Variants in NECAB1 observed in about 807,000 individuals in gnomAD.
NECAB1 encodes the protein N-terminal EF-hand calcium-binding protein 1.
Under a neutral mutation model 57.5 loss-of-function variants are expected in NECAB1, and 29 were observed. The observed-to-expected ratio is 0.50, with a 90% confidence interval of 0.38 to 0.69. The LOEUF is 0.69. Among genes scored for constraint, NECAB1 ranks in the 30% least tolerant of loss-of-function variants. NECAB1 has a pLI of 0.00. For missense variants in NECAB1, 372 were observed against 413.8 expected (o/e 0.90, Z 0.88); for synonymous variants, 142 against 147.7 (o/e 0.96, Z 0.28).
chr8:90,844,496 A>T (rs1812518965), intron 3 of NECAB1, among the ~76,000 whole-genome samples: 1 of 152,162 alleles, frequency 6.6e-6, no homozygotes. Flanking sequence ...CACCAGGCTG[A>T]TGGAAGAGAG....
At chr8:90,832,289 C>T (rs1401450518) in intron 3 of NECAB1, among the ~76,000 whole-genome samples, 1 of 152,152 alleles carries the variant, frequency 6.6e-6, no homozygotes, top group Non-Finnish European at 1.5e-5. Flanking sequence ...CCTTCTAAAT[C>T]AGGCCACTCC....
At chr8:90,792,040 C>G (rs1332775858) in intron 1 of NECAB1, 55 bp downstream of exon 1, 3 of 1,405,302 alleles carry the variant, frequency 2.1e-6, no homozygotes, top group East Asian at 5.0e-5. Context: ...TTCTTTTCCC[C>G]GAAAGGAAGG....
At chr8:90,904,607 A>C (rs1447827633) in intron 5 of NECAB1, among the ~76,000 whole-genome samples, 1 of 152,040 alleles carries the variant, frequency 6.6e-6, no homozygotes, top group Non-Finnish European at 1.5e-5. Context: ...AATAGAAAAG[A>C]AGTTAAGAGA....
rs901010761 is a variant in NECAB1 at position 90,931,470 on chromosome 8, A to T, written c.694-2834A>T. Among the ~76,000 whole-genome samples the T allele has an allele frequency of 3.9e-5, 6 of 152,216 alleles. No individual in the cohort carries two copies. In the East Asian group the frequency reaches 1.2e-3, roughly 29 times the overall value. On this transcript the variant is annotated intron_variant, in intron 8 of 12. Coordinates refer to ENST00000417640, the MANE Select transcript of NECAB1 (RefSeq NM_022351.5). ...CTGCACTGAAACCAAGCCCTATTCT[A>T]TGCATGTAGGGGAATATAACACTTA...
chr8:90,926,815 A>G (rs945903975), intron 7 of NECAB1, among the ~76,000 whole-genome samples: 27 of 152,206 alleles, frequency 1.8e-4, no homozygotes, highest in Non-Finnish European at 1.5e-4. Flanking sequence ...GGCCAAACAA[A>G]TCACATGTCA....
At chr8:90,951,886 C>T (rs555602888) in intron 12 of NECAB1, among the ~76,000 whole-genome samples, 1 of 152,052 alleles carries the variant, frequency 6.6e-6, no homozygotes, top group East Asian at 1.9e-4. Flanking sequence ...TTGAGCTAGT[C>T]CTTAAAAGAT....
intron 2 of NECAB1, among the ~76,000 whole-genome samples, chr8:90,805,414 A>G (rs1818193): frequency 0.38 from 56,349 of 149,628 alleles, 11,898 homozygotes; most frequent in East Asian, 0.81. Context: ...GACATCTGAC[A>G]AAAAAGAGAA....
At position 90,848,219 on chromosome 8, in the gene NECAB1, A is replaced by G. The variant is rs547633945; in HGVS notation, c.233+23394A>G. Among the ~76,000 whole-genome samples the G allele has an allele frequency of 2.6e-5, 4 of 152,340 alleles. No homozygotes were observed. In the South Asian group the frequency reaches 6.2e-4, roughly 24 times the overall value. The stretch of plus-strand genomic sequence containing the variant: ...CCAGCAGTCTATTTGCTAAAGCATA[A>G]TAAGAGTCACCTTTGCTACAGTTCC... On this transcript the variant is annotated intron_variant, in intron 3 of 12. Transcript: ENST00000417640.
chr8:90,792,311 G>C (rs979309222), intron 1 of NECAB1, among the ~76,000 whole-genome samples: 2 of 152,200 alleles, frequency 1.3e-5, no homozygotes, highest in South Asian at 2.1e-4. Context: ...GGTGTGGGGG[G>C]TGAGGTGGGG....
intron 1 of NECAB1, among the ~76,000 whole-genome samples, chr8:90,797,203 A>G (rs1811676373): frequency 6.6e-6 from 1 of 152,222 alleles, no homozygotes; most frequent in East Asian, 1.9e-4. Context: ...TGCTTTAAGC[A>G]TAACTCTTAC....
At chr8:90,847,023 C>T (rs1812579033) in intron 3 of NECAB1, among the ~76,000 whole-genome samples, 1 of 152,142 alleles carries the variant, frequency 6.6e-6, no homozygotes, top group African/African-American at 2.4e-5. Context: ...CCAACAGTCC[C>T]CCAAAGTCTT....
At chr8:90,936,775 G>A (rs2130221128) in intron 9 of NECAB1, among the ~76,000 whole-genome samples, 2 of 152,116 alleles carry the variant, frequency 1.3e-5, no homozygotes, top group Middle Eastern at 6.8e-3. Flanking sequence ...ATAATGATGA[G>A]TCCAGGAAAT....
intron 4 of NECAB1, among the ~76,000 whole-genome samples, chr8:90,875,739 G>A (rs151080608): frequency 0.013 from 2,029 of 151,308 alleles, 11 homozygotes; most frequent in Non-Finnish European, 0.019. Flanking sequence ...GGGGCCGGGC[G>A]CGGTGGCTCA....
At chr8:90,934,178 A>G in intron 8 of NECAB1, 126 bp from the exon 9 acceptor site, 1 of 646,902 alleles carries the variant, frequency 1.5e-6, no homozygotes, top group Non-Finnish European at 2.6e-6. Flanking sequence ...GTATTATTTC[A>G]TCTTTAAGAT....
In NECAB1 at chr8:90,796,111, C is replaced by T. The variant is rs1473227197; in HGVS notation, c.99+4126C>T. Reference sequence around the variant, plus strand: ...AAGATGAAAATATGTGCACTGATTCCTTCTCTCCATCCATCTTTCAGTGCC... The same window carrying T: ...AAGATGAAAATATGTGCACTGATTCTTTCTCTCCATCCATCTTTCAGTGCC... On this transcript the variant is annotated intron_variant, in intron 1 of 12. Transcript: ENST00000417640. Among the ~76,000 whole-genome samples, 13 of 152,198 alleles carry T rather than the reference C, an allele frequency of 8.5e-5. No individual in the cohort carries two copies. In the South Asian group the frequency reaches 2.5e-3, roughly 29 times the overall value.
intron 3 of NECAB1, among the ~76,000 whole-genome samples, chr8:90,867,497 T>A (rs1408078539): frequency 1.3e-5 from 2 of 152,228 alleles, no homozygotes; most frequent in Non-Finnish European, 2.9e-5. Context: ...TCTAATACAT[T>A]TTCAAGTTTT....
intron 4 of NECAB1, among the ~76,000 whole-genome samples, chr8:90,876,782 T>G (rs1808734867): frequency 6.6e-6 from 1 of 152,194 alleles, no homozygotes; most frequent in African/African-American, 2.4e-5. Flanking sequence ...CTCTACTTTT[T>G]CATCATACCT....
At chr8:90,823,545 A>G (rs1412697437) in intron 2 of NECAB1, among the ~76,000 whole-genome samples, 1 of 151,704 alleles carries the variant, frequency 6.6e-6, no homozygotes, top group Non-Finnish European at 1.5e-5. Flanking sequence ...GGGGCCTAGG[A>G]ATCTGCATTT....
intron 5 of NECAB1, among the ~76,000 whole-genome samples, chr8:90,917,009 T>A (rs984084337): frequency 1.3e-5 from 2 of 152,306 alleles, no homozygotes; most frequent in East Asian, 3.9e-4. Context: ...GTCTTCAGCA[T>A]AATACGGATC....
Sources: gnomAD v4.1 joint callset for allele counts (sites outside exome capture counted in the v4.1 genomes callset) on GRCh38, gnomAD v4.1.1 for gene constraint, MANE v1.5 for transcripts, NCBI Gene and HGNC (gene_info 2026-07-23, HGNC 2026-07-21) for gene names.